The following DPP10 variants were observed in gnomAD, a reference collection of about 807,000 sequenced individuals.
The protein encoded by DPP10 is dipeptidyl peptidase like 10.
In DPP10, 33 loss-of-function variants were observed where a neutral mutation model predicts 120.9. That is an observed-to-expected ratio of 0.27 (90% CI 0.21 to 0.37). The LOEUF is 0.37. Ranked by LOEUF, DPP10 falls within the 10% of genes least tolerant of loss-of-function variation. The probability of loss-of-function intolerance (pLI) is 1.00; values close to 1 mark genes in which losing one functional copy is unlikely to be tolerated. For synonymous variants in DPP10, 337 were observed against 326.1 expected (o/e 1.03, Z -0.36); for missense variants, 816 against 942.8 (o/e 0.87, Z 1.76).
intron 1 of DPP10, among the ~76,000 whole-genome samples, chr2:114,853,534 G>T (rs932594187): frequency 3.9e-5 from 6 of 151,986 alleles, no homozygotes; most frequent in Admixed American, 1.3e-4. Context: ...TGGTTTAAAA[G>T]ATGTTCTCAT....
intron 5 of DPP10, among the ~76,000 whole-genome samples, chr2:115,648,242 G>A (rs1027097929): frequency 1.3e-5 from 2 of 151,974 alleles, no homozygotes; most frequent in African/African-American, 2.4e-5. Context: ...GAGTAGAATC[G>A]TAGTTACCAG....
intron 1 of DPP10, among the ~76,000 whole-genome samples, chr2:114,896,054 C>T (rs1692941116): frequency 6.6e-6 from 1 of 152,082 alleles, no homozygotes; most frequent in Non-Finnish European, 1.5e-5. Context: ...AGATATGCAG[C>T]ATTATTTCTG....
intron 4 of DPP10, among the ~76,000 whole-genome samples, chr2:115,525,113 C>G (rs1212511296): frequency 6.6e-6 from 1 of 152,102 alleles, no homozygotes; most frequent in Admixed American, 6.6e-5. Context: ...TGCAAAGTAT[C>G]TATTATGCTT....
chr2:115,285,315 C>A (rs1291007044), intron 1 of DPP10, among the ~76,000 whole-genome samples: 3 of 151,972 alleles, frequency 2.0e-5, no homozygotes, highest in Non-Finnish European at 4.4e-5. Context: ...CTTAAAGATG[C>A]ATTGCCTGTA....
chr2:114,632,775 G>A (rs955202593), intron 1 of DPP10, among the ~76,000 whole-genome samples: 2 of 152,114 alleles, frequency 1.3e-5, no homozygotes, highest in Non-Finnish European at 2.9e-5. Context: ...GCCTCCCAAA[G>A]TGCTGGGATT....
At chr2:115,320,158 TAA>T (rs1283136675) in intron 2 of DPP10, among the ~76,000 whole-genome samples, 6 of 152,158 alleles carry the variant, frequency 3.9e-5, no homozygotes, top group Non-Finnish European at 5.9e-5. Flanking sequence ...ATTTTTGACT[TAA>T]AGTCTAATTT....
chr2:115,009,169 G>T (rs1212543046), intron 1 of DPP10, among the ~76,000 whole-genome samples: 1 of 144,098 alleles, frequency 6.9e-6, no homozygotes, highest in Non-Finnish European at 1.5e-5. Context: ...GCAAAGACTT[G>T]GAACCAACCC....
At chr2:115,345,049 C>T (rs2106267228) in intron 3 of DPP10, among the ~76,000 whole-genome samples, 1 of 152,280 alleles carries the variant, frequency 6.6e-6, no homozygotes, top group South Asian at 2.1e-4. Context: ...GTTTACTTGA[C>T]ACTGATATGT....
chr2:115,407,980 A>C (rs1028337735), intron 3 of DPP10, among the ~76,000 whole-genome samples: 1 of 152,082 alleles, frequency 6.6e-6, no homozygotes, highest in African/African-American at 2.4e-5. Flanking sequence ...GAGGAGAGCA[A>C]GCGTCCCTGA....
chr2:115,044,561 A>T (rs1396302567), intron 1 of DPP10, among the ~76,000 whole-genome samples: 1 of 152,026 alleles, frequency 6.6e-6, no homozygotes, highest in Non-Finnish European at 1.5e-5. Context: ...GTGCTAAACA[A>T]TTAGAAACTG....
rs141758902 is a variant in DPP10, at chr2:114,477,550, G to A, written c.60+34712G>A. On this transcript the variant is annotated intron_variant, in intron 1 of 25. Transcript: ENST00000410059. ...GTATATATATATATGTATATTGGAG[G>A]CCTTGGCCTTGGATCATTTGAGGTC... Among the ~76,000 whole-genome samples the A allele has an allele frequency of 2.0e-5, 3 of 150,160 alleles. No homozygotes were observed. The East Asian group carries it at 6.0e-4, about 30-fold the overall frequency.
At chr2:115,542,474 A>G (rs186465269) in intron 5 of DPP10, among the ~76,000 whole-genome samples, 8 of 152,084 alleles carry the variant, frequency 5.3e-5, no homozygotes, top group African/African-American at 1.9e-4. Context: ...GGAAGATGCC[A>G]TTAAAAAGGG....
At chr2:115,048,598 G>C (rs954757119) in intron 1 of DPP10, among the ~76,000 whole-genome samples, 1 of 151,990 alleles carries the variant, frequency 6.6e-6, no homozygotes, top group African/African-American at 2.4e-5. Flanking sequence ...TTATGATCTG[G>C]GGTCTGTCCA....
chr2:114,604,469 G>T (rs1692628892), intron 1 of DPP10, among the ~76,000 whole-genome samples: 1 of 152,054 alleles, frequency 6.6e-6, no homozygotes, highest in East Asian at 1.9e-4. Flanking sequence ...GTTTTGCCCT[G>T]ACCCATCTGC....
intron 1 of DPP10, among the ~76,000 whole-genome samples, chr2:115,188,219 A>C (rs187117431): frequency 6.6e-6 from 1 of 152,212 alleles, no homozygotes; most frequent in Non-Finnish European, 1.5e-5. Flanking sequence ...TTTGTTTTAT[A>C]TTATTTGTAT....
At chr2:114,621,541 A>G (rs1694090461) in intron 1 of DPP10, among the ~76,000 whole-genome samples, 2 of 152,004 alleles carry the variant, frequency 1.3e-5, no homozygotes, top group Non-Finnish European at 2.9e-5. Flanking sequence ...TGACTATTTC[A>G]CCTGCTAATG....
chr2:115,396,822 G>A lies in DPP10; in HGVS notation c.271+52910G>A, dbSNP rs116097206. ...CATTGCACAATCCACTCTAGCCATT[G>A]CACTCATATATCATTAAAGGAAAAA... On this transcript the variant is annotated intron_variant, in intron 3 of 25. Coordinates refer to ENST00000410059, the MANE Select transcript of DPP10 (RefSeq NM_020868.6). Among the ~76,000 whole-genome samples the A allele has an allele frequency of 5.6e-3, 847 of 152,160 alleles. 6 individuals are homozygous for A. The highest frequency in any genetic ancestry group is 0.016 in the African/African-American group (676 of 41,510).
intron 1 of DPP10, among the ~76,000 whole-genome samples, chr2:114,992,071 A>G (rs1241566834): frequency 1.3e-5 from 2 of 152,244 alleles, no homozygotes; most frequent in Non-Finnish European, 2.9e-5. Context: ...TCCTTTTTAC[A>G]TAAAGCCCAA....
chr2:115,662,031 C>A (rs1055278596), intron 5 of DPP10, among the ~76,000 whole-genome samples: 1 of 152,166 alleles, frequency 6.6e-6, no homozygotes, highest in African/African-American at 2.4e-5. Flanking sequence ...TCCCCCTCCC[C>A]TCAGCTCCTT....
Sources: allele counts gnomAD v4.1 joint callset (sites outside exome capture counted in the v4.1 genomes callset), GRCh38; gene constraint gnomAD v4.1.1; transcripts MANE v1.5; gene names NCBI Gene and HGNC (gene_info 2026-07-23, HGNC 2026-07-21).